Variants in NKIRAS1 observed in about 807,000 individuals in gnomAD.
The protein encoded by NKIRAS1 is NF-kappa-B inhibitor-interacting Ras-like protein 1.
In NKIRAS1, 16 loss-of-function variants were observed where a neutral mutation model predicts 19.8. That is an observed-to-expected ratio of 0.81 (90% CI 0.55 to 1.23). The LOEUF (loss-of-function observed/expected upper bound fraction) is 1.23. Ranked by LOEUF, NKIRAS1 falls within the 50% of genes most tolerant of loss-of-function variation. The pLI is 0.00. For synonymous variants in NKIRAS1, 88 were observed against 79.0 expected (o/e 1.11, Z -0.61); for missense variants, 184 against 220.0 (o/e 0.84, Z 1.04).
chr3:23,893,391 C>G, intron 4 of NKIRAS1, 54 bp from the exon 5 acceptor site: 1 of 1,517,168 alleles, frequency 6.6e-7, no homozygotes, highest in Non-Finnish European at 8.9e-7. Flanking sequence ...ACATCAGTTC[C>G]TGGGCAAAAT....
chr3:23,916,291 AG>A (rs1704409977), intron 1 of NKIRAS1: 1 of 152,200 alleles, frequency 6.6e-6, no homozygotes, highest in Admixed American at 6.5e-5. Flanking sequence ...AAAGTAAGCC[AG>A]TAACCTATTT....
At chr3:23,931,732 G>GAA (rs1328639800) in intron 1 of NKIRAS1, among the ~76,000 whole-genome samples, 5 of 22,564 alleles carry the variant, frequency 2.2e-4, no homozygotes, top group African/African-American at 6.0e-4. Context: ...GAGAGAGAGA[G>GAA]AGAGAAAGAA....
chr3:23,936,570 G>A (rs1033785710), intron 1 of NKIRAS1, among the ~76,000 whole-genome samples: 5 of 151,698 alleles, frequency 3.3e-5, no homozygotes, highest in South Asian at 2.1e-4. Flanking sequence ...CTTTTGAGAC[G>A]GAGTCTCCCT....
intron 1 of NKIRAS1, among the ~76,000 whole-genome samples, chr3:23,912,163 C>G (rs914291689): frequency 6.6e-5 from 10 of 152,104 alleles, no homozygotes; most frequent in Non-Finnish European, 1.0e-4. Flanking sequence ...ACACCAAAAG[C>G]AATGGCAACA....
At chr3:23,941,049 G>A (rs1705486530) in intron 1 of NKIRAS1, among the ~76,000 whole-genome samples, 1 of 152,228 alleles carries the variant, frequency 6.6e-6, no homozygotes, top group Admixed American at 6.5e-5. Flanking sequence ...AATTTTAAGA[G>A]TGCAGAGTTC....
chr3:23,930,606 ACTAAT>A (rs1159543366), intron 1 of NKIRAS1, among the ~76,000 whole-genome samples: 2 of 152,164 alleles, frequency 1.3e-5, no homozygotes, highest in Non-Finnish European at 2.9e-5. Flanking sequence ...ACAGACAATA[ACTAAT>A]CTATATATAT....
upstream of NKIRAS1, chr3:23,920,335 C>A: frequency 1.0e-6 from 1 of 985,570 alleles, no homozygotes; most frequent in Non-Finnish European, 1.2e-6. Flanking sequence ...TTGGGTTACC[C>A]ACTCTGTCCA....
Position 23,915,363 on chromosome 3 carries a change from T to C in NKIRAS1, c.-140+1421A>G, listed in dbSNP as rs1704240790. Among the ~76,000 whole-genome samples, 3 of 152,334 alleles carry C rather than the reference T, an allele frequency of 2.0e-5. No homozygotes were observed. In the South Asian group the frequency reaches 6.2e-4, roughly 32 times the overall value. ...ACCTCCAGAAGGAACACAGCCCTAC[T>C]GACTTTGGTTTTAGCTTGGTGATAT... On this transcript the variant is annotated intron_variant, in intron 1 of 4. Transcript: ENST00000425478.
upstream of NKIRAS1, chr3:23,918,446 T>C (rs775064781): frequency 6.2e-7 from 1 of 1,612,388 alleles, no homozygotes; most frequent in Admixed American, 1.7e-5. Flanking sequence ...GTAGGTTACG[T>C]TATATATAGG....
chr3:23,904,592 T>A (rs1436900035), intron 3 of NKIRAS1, among the ~76,000 whole-genome samples: 2 of 152,178 alleles, frequency 1.3e-5, no homozygotes, highest in East Asian at 3.8e-4. Context: ...AGATTAAGTT[T>A]CAACATGAAT....
At chr3:23,940,434 T>G (rs963566333) in intron 1 of NKIRAS1, among the ~76,000 whole-genome samples, 7 of 152,160 alleles carry the variant, frequency 4.6e-5, no homozygotes, top group Non-Finnish European at 8.8e-5. Flanking sequence ...TATTTAACTT[T>G]AACCACTACA....
At chr3:23,896,185 A>C (rs1701978852) in intron 4 of NKIRAS1, among the ~76,000 whole-genome samples, 1 of 151,366 alleles carries the variant, frequency 6.6e-6, no homozygotes, top group Non-Finnish European at 1.5e-5. Flanking sequence ...ACCACATCTA[A>C]CAACCTACCA....
At chr3:23,903,925 G>C (rs1377002166) in intron 3 of NKIRAS1, among the ~76,000 whole-genome samples, 1 of 152,208 alleles carries the variant, frequency 6.6e-6, no homozygotes. Context: ...AGCACTTTGG[G>C]AGGCCAAGGT....
At chr3:23,910,353 C>A (rs973852646) in intron 3 of NKIRAS1, among the ~76,000 whole-genome samples, 4 of 151,886 alleles carry the variant, frequency 2.6e-5, no homozygotes, top group Admixed American at 6.6e-5. Flanking sequence ...ACAGGTTTCA[C>A]CATGTTGGCC....
chr3:23,920,483 C>T, upstream of NKIRAS1: 1 of 985,266 alleles, frequency 1.0e-6, no homozygotes, highest in Non-Finnish European at 1.2e-6. Context: ...CTTGTGCACC[C>T]ACTTTGACTA....
chr3:23,945,076 C>A (rs1705600140), intron 1 of NKIRAS1, among the ~76,000 whole-genome samples: 2 of 150,204 alleles, frequency 1.3e-5, no homozygotes, highest in Admixed American at 6.7e-5. Context: ...AGGTTTACGG[C>A]ACGGAGGGGA....
intron 3 of NKIRAS1, among the ~76,000 whole-genome samples, chr3:23,906,120 C>T (rs571361777): frequency 7.3e-6 from 1 of 137,346 alleles, no homozygotes; most frequent in Non-Finnish European, 1.5e-5. Context: ...GATCGTGCCA[C>T]TGCACTCCAC....
Position 23,926,513 on chromosome 3 carries a change from CTTTT to C in NKIRAS1, c.-139-15067_-139-15064del, listed in dbSNP as rs896331377. ...CTTTCCTCTTCCTCTTCTTCCTCTT[CTTTT>C]TTTTTGTGTCATTCTCTAGTAGATG... On this transcript the variant is annotated intron_variant, in intron 1 of 4. Transcript: ENST00000421515. This position sits in a 1 kb window ranked among gnomAD's most constrained non-coding sequence, Gnocchi z 4.3. 6.6e-6 allele frequency among the ~76,000 whole-genome samples: 1 copy of C among 150,508 alleles called. No individual in the cohort carries two copies. The highest frequency in any genetic ancestry group is 1.5e-5 in the Non-Finnish European group (1 of 67,636).
At chr3:23,905,795 C>CAA (rs34872852) in intron 3 of NKIRAS1, among the ~76,000 whole-genome samples, 1,324 of 117,666 alleles carry the variant, frequency 0.011, 26 homozygotes, top group East Asian at 0.059. Flanking sequence ...AAATGTGCTC[C>CAA]AAAAAAAAAA....
Sources: allele counts gnomAD v4.1 joint callset (sites outside exome capture counted in the v4.1 genomes callset), GRCh38; gene constraint gnomAD v4.1.1; non-coding constraint Gnocchi (gnomAD v3.1); transcripts MANE v1.5; gene names NCBI Gene and HGNC (gene_info 2026-07-23, HGNC 2026-07-21).